The following IL22RA2 variants were observed in gnomAD, a reference collection of about 807,000 sequenced individuals.
IL22RA2 encodes interleukin-22 receptor subunit alpha-2.
A neutral mutation model predicts 30.7 loss-of-function variants in IL22RA2; 39 were observed. That is an observed-to-expected ratio of 1.27 (90% confidence interval 0.98 to 1.66). The LOEUF is 1.66. Ranked by LOEUF, IL22RA2 falls within the 40% of genes most tolerant of loss-of-function variation. IL22RA2 has a pLI of 0.00. For missense variants in IL22RA2, 315 were observed against 312.7 expected (o/e 1.01, Z -0.05); for synonymous variants, 103 against 105.0 (o/e 0.98, Z 0.11).
chr6:137,166,079 T>C (rs1778620307), intron 1 of IL22RA2, among the ~76,000 whole-genome samples: 1 of 152,140 alleles, frequency 6.6e-6, no homozygotes, highest in South Asian at 2.1e-4. Context: ...TTTCTCAAGC[T>C]GAAAAGACTT....
At position 137,155,088 on chromosome 6, in the gene IL22RA2, C is replaced by G. The variant is rs765762131; in HGVS notation, c.325G>C (p.Asp109His). 1 of 1,596,802 alleles carries G rather than the reference C, an allele frequency of 6.3e-7. No homozygotes were observed. Among genetic ancestry groups the G allele is most frequent in the Non-Finnish European group, 8.5e-7 (1 of 1,170,852 alleles). The change falls in exon 5 of 7, where the codon GAC (aspartate) becomes CAC (histidine). Residue 109 changes from aspartate (D) to histidine (H), a missense_variant. Transcript: ENST00000296980. Reference protein sequence around the residue: ...YGQRQWKNKEDCWGTQELSCD... With the variant: ...YGQRQWKNKEHCWGTQELSCD... The stretch of plus-strand genomic sequence containing the variant: ...GAGAGTTCTTGAGTACCCCAACAGT[C>G]TTCTTTATTTTTCCATTGTCTCTGT...
At chr6:137,170,725 A>G (rs1336980297) in intron 1 of IL22RA2, among the ~76,000 whole-genome samples, 1 of 152,110 alleles carries the variant, frequency 6.6e-6, no homozygotes, top group African/African-American at 2.4e-5. Context: ...ATCCCGCAAC[A>G]GACCCAGGGC....
At chr6:137,168,592 G>A (rs910074441) in intron 1 of IL22RA2, among the ~76,000 whole-genome samples, 1 of 152,166 alleles carries the variant, frequency 6.6e-6, no homozygotes, top group Admixed American at 6.5e-5. Flanking sequence ...TGCCCTGATT[G>A]TGATAATCAG....
chr6:137,169,291 C>T (rs991095876), intron 1 of IL22RA2, among the ~76,000 whole-genome samples: 1 of 152,204 alleles, frequency 6.6e-6, no homozygotes, highest in African/African-American at 2.4e-5. Context: ...TCACTTTAAT[C>T]CCTTTTTGCA....
At chr6:137,153,497 T>C (rs1582879138) in intron 5 of IL22RA2, among the ~76,000 whole-genome samples, 1 of 152,192 alleles carries the variant, frequency 6.6e-6, no homozygotes, top group Admixed American at 6.5e-5. Flanking sequence ...ACTCTGACTG[T>C]TACCCATAGT....
At position 137,147,186 on chromosome 6, in the gene IL22RA2, C is replaced by CA. The variant is rs11313927; in HGVS notation, c.642+535dup. Among the ~76,000 whole-genome samples the CA allele has an allele frequency of 4.1e-3, 291 of 70,844 alleles. 13 individuals carry two copies. Among genetic ancestry groups the CA allele is most frequent in the Middle Eastern group, 6.8e-3 (1 of 146 alleles). The allele number at this position is 70,844 out of a possible 152,430, so 46.5% of individuals were successfully genotyped here. On this transcript the variant is annotated intron_variant, in intron 6 of 6. Coordinates refer to ENST00000296980, the MANE Select transcript of IL22RA2 (RefSeq NM_052962.3). ...GCAACATAGTGAGACCTTGCCTCTA[C>CA]AAAAAAAAAAAAAAAAAAAAAAAAA...
chr6:137,167,386 C>T lies in IL22RA2; in HGVS notation c.-65-5572G>A, dbSNP rs142988144. On this transcript the variant is annotated intron_variant, in intron 1 of 6. Coordinates refer to ENST00000296980, the MANE Select transcript of IL22RA2 (RefSeq NM_052962.3). ...TTCACCCTATAAGATAGTGTTTGGC[C>T]GACACCCTGATCATAACTCAGATAA... 9.7e-4 allele frequency among the ~76,000 whole-genome samples: 147 copies of T among 152,152 alleles called. 1 individual carries two copies. Among genetic ancestry groups the T allele is most frequent in the African/African-American group, 2.9e-3 (120 of 41,482 alleles).
At chr6:137,172,677 C>A (rs577679952) in intron 1 of IL22RA2, among the ~76,000 whole-genome samples, 2 of 152,334 alleles carry the variant, frequency 1.3e-5, no homozygotes, top group East Asian at 3.9e-4. Context: ...AGGGAGAGTC[C>A]ACCTTGACGG....
At chr6:137,173,189 T>C (rs1582615913) in intron 1 of IL22RA2, among the ~76,000 whole-genome samples, 1 of 152,152 alleles carries the variant, frequency 6.6e-6, no homozygotes, top group African/African-American at 2.4e-5. Context: ...CTGGCCAACA[T>C]GGTGCAACCC....
intron 4 of IL22RA2, among the ~76,000 whole-genome samples, chr6:137,155,336 T>C (rs375616390): frequency 6.6e-6 from 1 of 152,162 alleles, no homozygotes; most frequent in South Asian, 2.1e-4. Flanking sequence ...GGGTAATTTA[T>C]AAAGAAAAGG....
chr6:137,173,091 G>A (rs74750919), intron 1 of IL22RA2, among the ~76,000 whole-genome samples: 2 of 152,200 alleles, frequency 1.3e-5, no homozygotes, highest in South Asian at 2.1e-4. Flanking sequence ...ACAAGATGTG[G>A]CCAGACACGG....
intron 1 of IL22RA2, among the ~76,000 whole-genome samples, chr6:137,169,562 A>G (rs1453042257): frequency 6.6e-6 from 1 of 152,224 alleles, no homozygotes; most frequent in Non-Finnish European, 1.5e-5. Flanking sequence ...AGTACTGAGG[A>G]AAAAATAAAT....
At chr6:137,150,480 ATT>A (rs61381227) in intron 5 of IL22RA2, among the ~76,000 whole-genome samples, 3,344 of 100,488 alleles carry the variant, frequency 0.033, 68 homozygotes, top group African/African-American at 0.087. Context: ...TTCTTTTCTG[ATT>A]TTTTTTTTTT....
chr6:137,160,865 T>G (rs1476521124), intron 2 of IL22RA2, among the ~76,000 whole-genome samples: 1 of 152,236 alleles, frequency 6.6e-6, no homozygotes, highest in Non-Finnish European at 1.5e-5. Context: ...GCCCTTGCTG[T>G]TACCAAGTAC....
At chr6:137,171,991 T>C (rs1426105041) in intron 1 of IL22RA2, among the ~76,000 whole-genome samples, 2 of 152,238 alleles carry the variant, frequency 1.3e-5, no homozygotes, top group Non-Finnish European at 2.9e-5. Flanking sequence ...TGTTCCCTTT[T>C]CACCTCTTCA....
chr6:137,168,008 C>T (rs1222114515), intron 1 of IL22RA2, among the ~76,000 whole-genome samples: 1 of 152,216 alleles, frequency 6.6e-6, no homozygotes, highest in Non-Finnish European at 1.5e-5. Context: ...GTCATGTTAT[C>T]TTTGCAAATG....
intron 1 of IL22RA2, among the ~76,000 whole-genome samples, chr6:137,169,357 G>A (rs1778688637): frequency 1.3e-5 from 2 of 152,152 alleles, no homozygotes; most frequent in Admixed American, 6.5e-5. Context: ...TGTTTGGAGA[G>A]CACCTGCAGG....
intron 1 of IL22RA2, among the ~76,000 whole-genome samples, chr6:137,170,859 A>G (rs1778719859): frequency 1.3e-5 from 2 of 152,212 alleles, no homozygotes; most frequent in Admixed American, 1.3e-4. Flanking sequence ...GTTCTCATAC[A>G]AGGAACAATC....
At chr6:137,161,448 T>C (rs545340673) in intron 2 of IL22RA2, among the ~76,000 whole-genome samples, 1 of 152,208 alleles carries the variant, frequency 6.6e-6, no homozygotes, top group East Asian at 1.9e-4. Context: ...TGTACATTTG[T>C]TCTGTATGAA....
Sources: gnomAD v4.1 joint callset for allele counts (sites outside exome capture counted in the v4.1 genomes callset) on GRCh38, gnomAD v4.1.1 for gene constraint, MANE v1.5 for transcripts, NCBI Gene and HGNC (gene_info 2026-07-23, HGNC 2026-07-21) for gene names.